PCDHGA5: variants seen among roughly 807,000 people sequenced by gnomAD.
PCDHGA5 encodes the protein protocadherin gamma-A5.
A neutral mutation model predicts 56.7 loss-of-function variants in PCDHGA5; 36 were observed. The observed-to-expected ratio is 0.64, with a 90% CI of 0.49 to 0.84. PCDHGA5 has a LOEUF of 0.84. Ranked by LOEUF, PCDHGA5 falls within the 40% of genes least tolerant of loss-of-function variation. PCDHGA5 has a pLI of 0.00. For synonymous variants in PCDHGA5, 563 were observed against 520.2 expected (o/e 1.08, Z -1.12); for missense variants, 1,305 against 1,201.5 (o/e 1.09, Z -1.27).
chr5:141,478,497 CGGTGTTCTATAGGCA>C, intron 1 of PCDHGA5: 1 of 1,612,820 alleles, frequency 6.2e-7, no homozygotes, highest in South Asian at 1.1e-5. Flanking sequence ...AGCTGTGATC[CGGTGTTCTATAGGCA>C]GGTGTTGGGT....
At position 141,489,094 on chromosome 5, in the gene PCDHGA5, G is replaced by GAAA. The variant is rs2154581134; in HGVS notation, c.2422-5711_2422-5710insAAA. On this transcript the variant is annotated intron_variant, in intron 1 of 3. Coordinates refer to ENST00000518069, the MANE Select transcript of PCDHGA5 (RefSeq NM_018918.3). The surrounding 1 kb of genome is among the most constrained non-coding windows in gnomAD (Gnocchi z 4.5). ...CCCACCCCCGCCACTCGGTGACTAA[G>GAAA]AACTGCTGCAAGCAGGCAAACCTCC... The GAAA allele has an allele frequency of 5.1e-6, 2 of 396,028 alleles. No homozygotes were observed. Among genetic ancestry groups the GAAA allele is most frequent in the South Asian group, 4.8e-5 (1 of 20,814 alleles). The allele number at this position is 396,028 out of a possible 1,614,324, so 24.5% of individuals were successfully genotyped here.
chr5:141,472,263 C>T (rs978647191), intron 1 of PCDHGA5, among the ~76,000 whole-genome samples: 7 of 152,144 alleles, frequency 4.6e-5, no homozygotes, highest in South Asian at 2.1e-4. Flanking sequence ...ATATTATAGC[C>T]GGGCACAGTG....
intron 1 of PCDHGA5, chr5:141,371,441 G>C: frequency 1.2e-6 from 2 of 1,613,958 alleles, no homozygotes; most frequent in Non-Finnish European, 1.7e-6. Context: ...AGATAACCCT[G>C]GCTTCTGAAT....
chr5:141,383,111 G>T, intron 1 of PCDHGA5: 1 of 1,614,040 alleles, frequency 6.2e-7, no homozygotes, highest in Non-Finnish European at 8.5e-7. Context: ...TCCAGAGGTA[G>T]GACGCAGCTT....
At chr5:141,405,830 G>A (rs1214599375) in intron 1 of PCDHGA5, among the ~76,000 whole-genome samples, 3 of 152,148 alleles carry the variant, frequency 2.0e-5, no homozygotes, top group East Asian at 1.9e-4. Flanking sequence ...ACTTAAGGTA[G>A]TATAAGTTGA....
chr5:141,366,663 C>A lies in PCDHGA5; in HGVS notation c.2333C>A (p.Thr778Lys). 1.2e-6 allele frequency: 2 copies of A among 1,614,242 alleles called. No homozygotes were observed. The highest frequency in any genetic ancestry group is 2.2e-5 in the East Asian group (1 of 44,892). Residue 778 changes from threonine to lysine, a missense_variant, in exon 1 of 4, where the codon ACG becomes AAG. Thr to Lys is a moderately conservative substitution (Grantham distance 78). Transcript: ENST00000518069. ...LIFPQPNYAD[T>K]LLSEESCEKS... ...TTTCCCCAGCCCAACTACGCAGACA[C>A]GCTCCTTAGTGAAGAGAGCTGTGAG... is the stretch of plus-strand genomic sequence containing the variant.
intron 1 of PCDHGA5, chr5:141,400,244 C>T (rs765839538): frequency 1.9e-6 from 3 of 1,613,928 alleles, no homozygotes; most frequent in East Asian, 4.5e-5. Flanking sequence ...GTGATTCTGG[C>T]CGTTGCCTTG....
At position 141,511,239 on chromosome 5, in the gene PCDHGA5, C is replaced by A; in HGVS notation, c.*66C>A. On this transcript the variant is annotated 3_prime_UTR_variant, in exon 4 of 4. Coordinates refer to ENST00000518069, the MANE Select transcript of PCDHGA5 (RefSeq NM_018918.3). ...AACCAGCCCAGCTTCTCCTTACCTG[C>A]ACCCAGGCCTCAGAGTTTCAGGGCT... 1 of 1,587,938 alleles carries A rather than the reference C, an allele frequency of 6.3e-7. No homozygotes were observed. Among genetic ancestry groups the A allele is most frequent in the Admixed American group, 1.8e-5 (1 of 55,480 alleles).
At chr5:141,413,451 CA>C (rs1561742676) in intron 1 of PCDHGA5, 1 of 1,614,118 alleles carries the variant, frequency 6.2e-7, no homozygotes, top group East Asian at 2.2e-5. Context: ...TCACCGCGGG[CA>C]GGATAGACCG....
Position 141,491,963 on chromosome 5 carries a change from C to A in PCDHGA5, c.2422-2844C>A. ...CCCCCACCCCTACACTCAAAAAAGG[C>A]CGGGGCCTCCTTCGAGCTTCCGGTG... On this transcript the variant is annotated intron_variant, in intron 1 of 3. Coordinates refer to ENST00000518069, the MANE Select transcript of PCDHGA5 (RefSeq NM_018918.3). This position sits in a 1 kb window ranked among gnomAD's most constrained non-coding sequence, Gnocchi z 6.9. 2 of 944,828 alleles carry A rather than the reference C, an allele frequency of 2.1e-6. No homozygotes were observed. Among genetic ancestry groups the A allele is most frequent in the Non-Finnish European group, 3.0e-6 (2 of 670,874 alleles). 58.5% of individuals were successfully genotyped at this position (944,828 alleles called of 1,614,324 possible).
Position 141,486,902 on chromosome 5 carries a change from C to T in PCDHGA5, c.2422-7905C>T, listed in dbSNP as rs2099636761. On this transcript the variant is annotated intron_variant, in intron 1 of 3. Transcript: ENST00000518069. This position sits in a 1 kb window ranked among gnomAD's most constrained non-coding sequence, Gnocchi z 5.0. ...TCGGGCCCGGCCTGGTTCCTTATGT[C>T]CCCAAGCACTGCCTCCATCAGTTGG... 1 of 1,614,226 alleles carries T rather than the reference C, an allele frequency of 6.2e-7. No individual in the cohort carries two copies. The highest frequency in any genetic ancestry group is 8.5e-7 in the Non-Finnish European group (1 of 1,180,044).
chr5:141,424,232 C>A (rs182055138), intron 1 of PCDHGA5: 1 of 158,642 alleles, frequency 6.3e-6, no homozygotes, highest in East Asian at 1.9e-4. Context: ...TATTTTGATT[C>A]TTGGTGGCTG....
chr5:141,474,135 G>C (rs1032470573), intron 1 of PCDHGA5, among the ~76,000 whole-genome samples: 2 of 152,062 alleles, frequency 1.3e-5, no homozygotes, highest in Admixed American at 1.3e-4. Context: ...GAAAACTACA[G>C]GCCTTATTAT....
chr5:141,419,075 A>C (rs2096322774), intron 1 of PCDHGA5: 3 of 1,613,968 alleles, frequency 1.9e-6, no homozygotes, highest in South Asian at 1.1e-5. Flanking sequence ...CAAGCTAGTA[A>C]CAGATGAGGC....
In PCDHGA5 at chr5:141,432,262, A is replaced by G; in HGVS notation, c.2422-62545A>G. 1.9e-6 allele frequency: 3 copies of G among 1,614,222 alleles called. No homozygotes were observed. Among genetic ancestry groups the G allele is most frequent in the Non-Finnish European group, 2.5e-6 (3 of 1,180,036 alleles). On this transcript the variant is annotated intron_variant, in intron 1 of 3. Coordinates refer to ENST00000518069, the MANE Select transcript of PCDHGA5 (RefSeq NM_018918.3). This position sits in a 1 kb window ranked among gnomAD's most constrained non-coding sequence, Gnocchi z 6.0. ...AGAACACCATCCAAGGGGCAAGCCT[A>G]TCGTCCTACGTGTCCATCAACTCCG...
At chr5:141,464,558 A>G (rs1276921889) in intron 1 of PCDHGA5, among the ~76,000 whole-genome samples, 2 of 152,176 alleles carry the variant, frequency 1.3e-5, no homozygotes, top group Non-Finnish European at 2.9e-5. Context: ...CCCATCTTGC[A>G]TTCCTACAAA....
chr5:141,441,126 C>A (rs1319809408), intron 1 of PCDHGA5: 2 of 152,062 alleles, frequency 1.3e-5, no homozygotes, highest in Admixed American at 1.3e-4. Context: ...CAGTTGAGAC[C>A]GAATTTCTAG....
At position 141,392,616 on chromosome 5, in the gene PCDHGA5, G is replaced by A. The variant is rs912385052; in HGVS notation, c.2421+25865G>A. 8 of 535,918 alleles carry A rather than the reference G, an allele frequency of 1.5e-5. No individual in the cohort carries two copies. In the South Asian group the frequency reaches 2.7e-4, roughly 18 times the overall value. The allele number at this position is 535,918 out of a possible 1,614,324, so 33.2% of individuals were successfully genotyped here. ...CACCTACTGGAAGACAAATGCAACC[G>A]AAAACACTCAGATCTCACACCTCAC... On this transcript the variant is annotated intron_variant, in intron 1 of 3. Transcript: ENST00000518069.
chr5:141,414,212 A>G (rs778319178), intron 1 of PCDHGA5: 1 of 1,612,944 alleles, frequency 6.2e-7, no homozygotes, highest in Admixed American at 1.7e-5. Flanking sequence ...GATGTAAATG[A>G]CAACAGTCCA....
Sources: allele counts gnomAD v4.1 joint callset (sites outside exome capture counted in the v4.1 genomes callset), GRCh38; gene constraint gnomAD v4.1.1; non-coding constraint Gnocchi (gnomAD v3.1); transcripts MANE v1.5; gene names NCBI Gene and HGNC (gene_info 2026-07-23, HGNC 2026-07-21).